Variants in LOXL3 observed in about 807,000 individuals in gnomAD.
The protein encoded by LOXL3 is lysyl oxidase like 3.
Under a neutral mutation model 91.8 loss-of-function variants are expected in LOXL3, and 60 were observed. The observed-to-expected ratio is 0.65, with a 90% CI of 0.53 to 0.81. The LOEUF is 0.81. Ranked by LOEUF, LOXL3 falls within the 30% of genes least tolerant of loss-of-function variation. The probability of loss-of-function intolerance (pLI) is 0.00; values close to 1 mark genes in which losing one functional copy is unlikely to be tolerated. For missense variants in LOXL3, 874 were observed against 1,000.4 expected (o/e 0.87, Z 1.70); for synonymous variants, 355 against 387.6 (o/e 0.92, Z 0.99).
intron 2 of LOXL3, among the ~76,000 whole-genome samples, chr2:74,550,891 G>A (rs1307299043): frequency 1.3e-5 from 2 of 151,140 alleles, no homozygotes; most frequent in Non-Finnish European, 2.9e-5. Flanking sequence ...CGCCCTGTCT[G>A]TGCTGCCATA....
chr2:74,555,150 C>T, upstream of LOXL3: 1 of 1,610,120 alleles, frequency 6.2e-7, no homozygotes, highest in Non-Finnish European at 8.5e-7. The surrounding 1 kb of genome is among the most constrained non-coding windows in gnomAD (Gnocchi z 6.1). Context: ...CTCTCTCTCC[C>T]TAGAGGTGGA....
intron 4 of LOXL3, among the ~76,000 whole-genome samples, chr2:74,548,839 G>A (rs1285284873): frequency 1.3e-5 from 2 of 151,868 alleles, no homozygotes; most frequent in Admixed American, 6.5e-5. Flanking sequence ...CCGAGGGCTC[G>A]AGCGTTCACA....
Position 74,549,599 on chromosome 2 carries a change from C to T in LOXL3, c.478-16G>A. ...GATGCTCTACCTGGGGGCGGGGCCA[C>T]AAGCAGGGAAAGAATCCCAGTGGCA... On this transcript the variant is annotated splice_polypyrimidine_tract_variant and intron_variant, in intron 3 of 13. Transcript: ENST00000264094. This position sits in a 1 kb window ranked among gnomAD's most constrained non-coding sequence, Gnocchi z 5.3. The T allele has an allele frequency of 6.3e-7, 1 of 1,595,228 alleles. No individual in the cohort carries two copies. Among genetic ancestry groups the T allele is most frequent in the Non-Finnish European group, 8.6e-7 (1 of 1,167,020 alleles).
chr2:74,549,246 T>C lies in LOXL3; in HGVS notation c.692+123A>G. On this transcript the variant is annotated intron_variant, in intron 4 of 13. Coordinates refer to ENST00000264094, the MANE Select transcript of LOXL3 (RefSeq NM_032603.5). The surrounding 1 kb of genome is among the most constrained non-coding windows in gnomAD (Gnocchi z 5.3). ...CCAGCTTTGCAACGGCCTCCATATT[T>C]TCCCGCGCGTCCCGACCCCCGGGTC... 1 of 1,142,946 alleles carries C rather than the reference T, an allele frequency of 8.7e-7. No homozygotes were observed. 70.8% of individuals were successfully genotyped at this position (1,142,946 alleles called of 1,614,324 possible).
upstream of LOXL3, chr2:74,555,314 C>T: frequency 6.2e-7 from 1 of 1,614,026 alleles, no homozygotes; most frequent in Non-Finnish European, 8.5e-7. The surrounding 1 kb of genome is among the most constrained non-coding windows in gnomAD (Gnocchi z 6.1). Flanking sequence ...GTGAGTGTGG[C>T]CCCCGTCACC....
chr2:74,535,977 G>A lies in LOXL3; in HGVS notation c.1248+19C>T, dbSNP rs1483473746. 5.8e-6 allele frequency: 9 copies of A among 1,549,684 alleles called. No homozygotes were observed. The highest frequency in any genetic ancestry group is 6.9e-6 in the Non-Finnish European group (8 of 1,152,518). ...ATAGGATGAAAGAGACCTCAACCAA[G>A]GTAGAGAGGATGACTGACCCTGGTC... On this transcript the variant is annotated intron_variant, in intron 7 of 13. Coordinates refer to ENST00000264094, the MANE Select transcript of LOXL3 (RefSeq NM_032603.5). This position sits in a 1 kb window ranked among gnomAD's most constrained non-coding sequence, Gnocchi z 4.2.
In LOXL3 at chr2:74,536,272, C is replaced by T; in HGVS notation, c.1093+19G>A. ...CATGTACCTCCTTCCCTCTCCCTCCCACCTCCATGCCACCTCACCCTGCCC... is the reference window on the plus strand; with the variant it reads ...CATGTACCTCCTTCCCTCTCCCTCCTACCTCCATGCCACCTCACCCTGCCC... On this transcript the variant is annotated intron_variant, in intron 6 of 13. Transcript: ENST00000264094. This position sits in a 1 kb window ranked among gnomAD's most constrained non-coding sequence, Gnocchi z 4.5. The T allele has an allele frequency of 6.2e-7, 1 of 1,613,214 alleles. No homozygotes were observed. The highest frequency in any genetic ancestry group is 8.5e-7 in the Non-Finnish European group (1 of 1,179,774).
In LOXL3 at chr2:74,549,233, C is replaced by A. The variant is rs948760699; in HGVS notation, c.692+136G>T. ...ATTTCCCAACTCTCCAGCTTTGCAA[C>A]GGCCTCCATATTTTCCCGCGCGTCC... On this transcript the variant is annotated intron_variant, in intron 4 of 13. Coordinates refer to ENST00000264094, the MANE Select transcript of LOXL3 (RefSeq NM_032603.5). The surrounding 1 kb of genome is among the most constrained non-coding windows in gnomAD (Gnocchi z 5.3). 31 of 969,688 alleles carry A rather than the reference C, an allele frequency of 3.2e-5. No individual in the cohort carries two copies. The highest frequency in any genetic ancestry group is 6.7e-4 in the Middle Eastern group (2 of 3,006). The allele number at this position is 969,688 out of a possible 1,614,324, so 60.1% of individuals were successfully genotyped here. A position where few individuals can be genotyped will look rare whatever the true frequency, so the allele number is the denominator to read the frequency against.
At chr2:74,548,021 TGGTGGAAGGAA>T (rs1676709361) in intron 4 of LOXL3, among the ~76,000 whole-genome samples, 1 of 152,252 alleles carries the variant, frequency 6.6e-6, no homozygotes, top group South Asian at 2.1e-4. Flanking sequence ...TCTTCCCAGT[TGGTGGAAGGAA>T]CATATTTTAC....
At chr2:74,550,094 G>T (rs987054821) in intron 3 of LOXL3, 91 bp downstream of exon 3, 4 of 1,501,798 alleles carry the variant, frequency 2.7e-6, no homozygotes, top group Admixed American at 4.6e-5. Flanking sequence ...ATCCCCCAGG[G>T]GTAACTACCT....
At position 74,550,262 on chromosome 2, in the gene LOXL3, A is replaced by G. The variant is rs1461859213; in HGVS notation, c.400T>C (p.Cys134Arg). 2 of 1,614,086 alleles carry G rather than the reference A, an allele frequency of 1.2e-6. No individual in the cohort carries two copies. Among genetic ancestry groups the G allele is most frequent in the Admixed American group, 1.7e-5 (1 of 60,004 alleles). ...CASRGWGNSDCTHDEDAGVIC... is the reference protein window; with the variant it reads ...CASRGWGNSDRTHDEDAGVIC... ...ACCCCAGCATCCTCATCGTGCGTAC[A>G]GTCACTGTTCCCCCAGCCCCGGGAG... The change falls in exon 3 of 14, where the codon TGT becomes CGT. Residue 134 changes from cysteine (C) to arginine (R), a missense_variant. Coordinates refer to ENST00000264094, the MANE Select transcript of LOXL3 (RefSeq NM_032603.5).
rs549829986 is a variant in LOXL3, at chr2:74,533,660, C to T, written c.2208G>A (p.Glu736=). The part of the protein sequence containing the change: ...NCHIGDAFSE[E]ANRRFERYPG... Reference sequence around the variant, plus strand: ...GGTAGCGTTCAAACCTCCTGTTGGCCTCTTCACTGAAGGCATCACCTGCAG... The same window carrying T: ...GGTAGCGTTCAAACCTCCTGTTGGCTTCTTCACTGAAGGCATCACCTGCAG... Residue 736 remains glutamate (E), a synonymous_variant, in exon 14 of 14, where the codon GAG becomes GAA. Transcript: ENST00000264094. The T allele has an allele frequency of 1.2e-6, 2 of 1,613,954 alleles. No individual in the cohort carries two copies. The highest frequency in any genetic ancestry group is 1.1e-5 in the South Asian group (1 of 91,068).
intron 9 of LOXL3, 81 bp from the exon 10 acceptor site, chr2:74,534,855 A>G (rs530661955): frequency 6.8e-7 from 1 of 1,462,052 alleles, no homozygotes; most frequent in Admixed American, 2.1e-5. Flanking sequence ...CCTAGTGTGT[A>G]AGACTAGTTT....
rs761471525 is a variant in LOXL3 at position 74,549,554 on chromosome 2, C to G, written c.507G>C (p.Val169=). 2.5e-6 allele frequency: 4 copies of G among 1,611,060 alleles called. No homozygotes were observed. Among genetic ancestry groups the G allele is most frequent in the Non-Finnish European group, 3.4e-6 (4 of 1,177,910 alleles). The change falls in exon 4 of 14, where the codon GTG becomes GTC. Residue 169 remains valine (V), a synonymous_variant. Transcript: ENST00000264094. This position sits in a 1 kb window ranked among gnomAD's most constrained non-coding sequence, Gnocchi z 5.3. ...CCCACCCAACGGCGGGTCGAATTCG[C>G]ACCTCCTCCACTTGCAGGTGATGCT... ...EVEHHLQVEE[V]RIRPAVGWGR... is the part of the protein sequence containing the mutation.
rs904536715 is a variant in LOXL3 at position 74,535,504 on chromosome 2, G to A, written c.1417-50C>T. ...GTAAGGCCCAGGATCCAGCATCTTG[G>A]GCCAAGGGACTCATTCCTCAGCCCT... On this transcript the variant is annotated intron_variant, in intron 8 of 13. Coordinates refer to ENST00000264094, the MANE Select transcript of LOXL3 (RefSeq NM_032603.5). The surrounding 1 kb of genome is among the most constrained non-coding windows in gnomAD (Gnocchi z 4.2). 2 of 1,612,260 alleles carry A rather than the reference G, an allele frequency of 1.2e-6. No individual in the cohort carries two copies. The highest frequency in any genetic ancestry group is 1.1e-5 in the South Asian group (1 of 91,050).
intron 4 of LOXL3, among the ~76,000 whole-genome samples, chr2:74,538,677 G>A (rs1676155392): frequency 6.6e-6 from 1 of 152,200 alleles, no homozygotes; most frequent in Admixed American, 6.5e-5. Context: ...GGGACGCTGA[G>A]TTTCCCTCCA....
Position 74,534,779 on chromosome 2 carries a change from A to T in LOXL3, c.1580-5T>A. ...GCAGCAACAGATCTGATGCAGCTGC[A>T]CCAAGAAAGGAAGGGGGTGTTAGAA... On this transcript the variant is annotated splice_region_variant and splice_polypyrimidine_tract_variant and intron_variant, in intron 9 of 13. Coordinates refer to ENST00000264094, the MANE Select transcript of LOXL3 (RefSeq NM_032603.5). The T allele has an allele frequency of 6.2e-7, 1 of 1,608,696 alleles. No homozygotes were observed. Among genetic ancestry groups the T allele is most frequent in the South Asian group, 1.1e-5 (1 of 91,002 alleles).
rs867449891 is a variant in LOXL3 at position 74,532,938 on chromosome 2, G to A, written c.*668C>T. 2 of 1,613,932 alleles carry A rather than the reference G, an allele frequency of 1.2e-6. No individual in the cohort carries two copies. The highest frequency in any genetic ancestry group is 1.1e-5 in the South Asian group (1 of 91,052). The stretch of plus-strand genomic sequence containing the variant: ...CCAGTTGGCAGTGCAGATCCGGCGG[G>A]GACGAGAAACACTGACCTTATATGT... On this transcript the variant is annotated 3_prime_UTR_variant, in exon 14 of 14. Transcript: ENST00000264094.
At chr2:74,552,775 G>A (rs996647136) in intron 1 of LOXL3, 129 bp from the exon 2 acceptor site, 42 of 795,434 alleles carry the variant, frequency 5.3e-5, no homozygotes, top group Non-Finnish European at 7.3e-5. Flanking sequence ...GAGACAACAG[G>A]AGAGAAAGAG....
Sources: allele counts gnomAD v4.1 joint callset (sites outside exome capture counted in the v4.1 genomes callset), GRCh38; gene constraint gnomAD v4.1.1; non-coding constraint Gnocchi (gnomAD v3.1); transcripts MANE v1.5; gene names NCBI Gene and HGNC (gene_info 2026-07-23, HGNC 2026-07-21).